Variants in SLC4A7 observed in about 807,000 individuals in gnomAD.
SLC4A7 encodes sodium bicarbonate cotransporter 3.
SLC4A7 carries 51 observed loss-of-function variants against 137.6 expected under a neutral mutation model. The ratio of observed to expected loss-of-function variants is 0.37; its 90% confidence interval spans 0.30 to 0.47. SLC4A7 has a LOEUF of 0.47. Among genes scored for constraint, SLC4A7 ranks in the 20% least tolerant of loss-of-function variants. SLC4A7 has a pLI of 1.00. For synonymous variants in SLC4A7, 542 were observed against 518.6 expected (o/e 1.05, Z -0.61); for missense variants, 1,247 against 1,525.4 (o/e 0.82, Z 3.04).
intron 24 of SLC4A7, among the ~76,000 whole-genome samples, chr3:27,382,867 A>C (rs568986200): frequency 2.5e-4 from 38 of 152,358 alleles, no homozygotes; most frequent in Non-Finnish European, 5.0e-4. Flanking sequence ...TACTGATTTT[A>C]AACTTCACTA....
intron 13 of SLC4A7, 68 bp from the exon 14 acceptor site, chr3:27,405,031 C>A: frequency 9.6e-7 from 1 of 1,039,504 alleles, no homozygotes; most frequent in South Asian, 2.7e-5. Flanking sequence ...TACTATAATA[C>A]ATGTAAGACA....
Position 27,373,530 on chromosome 3 carries a change from TCAATG to T in SLC4A7, c.*3229_*3233del, listed in dbSNP as rs1204618938. 2 of 152,178 alleles carry T rather than the reference TCAATG, an allele frequency of 1.3e-5. No individual in the cohort carries two copies. Among genetic ancestry groups the T allele is most frequent in the Non-Finnish European group, 2.9e-5 (2 of 67,982 alleles). 9.4% of individuals were successfully genotyped at this position (152,178 alleles called of 1,614,324 possible). On this transcript the variant is annotated 3_prime_UTR_variant, in exon 26 of 26. Transcript: ENST00000454389. ...AAACATTTTTAATTACAGCGTTATATCAATGGCTTACACAGTTGAAATCTGAGCAC... is the reference window on the plus strand; with the variant it reads ...AAACATTTTTAATTACAGCGTTATATGCTTACACAGTTGAAATCTGAGCAC...
At chr3:27,438,598 CATAACAT>C (rs1173854238) in intron 3 of SLC4A7, among the ~76,000 whole-genome samples, 2 of 108,470 alleles carry the variant, frequency 1.8e-5, no homozygotes, top group South Asian at 3.9e-4. Flanking sequence ...AATAAAATAA[CATAACAT>C]AAAATAAAAT....
intron 1 of SLC4A7, among the ~76,000 whole-genome samples, chr3:27,453,138 A>G (rs1294718626): frequency 6.6e-6 from 1 of 152,232 alleles, no homozygotes; most frequent in Non-Finnish European, 1.5e-5. Context: ...AAGACTAAAC[A>G]TATTTATTAG....
chr3:27,405,000 A>G (rs748798606), intron 13 of SLC4A7, 37 bp from the exon 14 acceptor site: 17 of 1,463,638 alleles, frequency 1.2e-5, no homozygotes, highest in Non-Finnish European at 1.5e-5. Context: ...AAAGCAATAC[A>G]TCATAAACAT....
intron 10 of SLC4A7, among the ~76,000 whole-genome samples, chr3:27,418,843 G>T (rs1216179774): frequency 6.6e-6 from 1 of 152,082 alleles, no homozygotes; most frequent in Non-Finnish European, 1.5e-5. Flanking sequence ...AACAATGAAA[G>T]AGAACAGTTA....
At chr3:27,440,851 C>T (rs976189085) in intron 3 of SLC4A7, among the ~76,000 whole-genome samples, 3 of 152,112 alleles carry the variant, frequency 2.0e-5, no homozygotes, top group African/African-American at 7.2e-5. Flanking sequence ...TTGAGATCAG[C>T]CTGGCCAACA....
intron 8 of SLC4A7, 125 bp from the exon 9 acceptor site, chr3:27,421,904 G>A: frequency 1.5e-6 from 1 of 674,878 alleles, no homozygotes; most frequent in Non-Finnish European, 2.4e-6. Flanking sequence ...TCTAATGAAT[G>A]TTTAAAATGT....
At chr3:27,479,402 G>C (rs2059616121) in intron 1 of SLC4A7, among the ~76,000 whole-genome samples, 1 of 148,876 alleles carries the variant, frequency 6.7e-6, no homozygotes, top group South Asian at 2.1e-4. Flanking sequence ...CAACCCTGAG[G>C]ATGAGACCCT....
chr3:27,430,269 A>G (rs1277432613), intron 7 of SLC4A7, among the ~76,000 whole-genome samples: 1 of 151,754 alleles, frequency 6.6e-6, no homozygotes, highest in Non-Finnish European at 1.5e-5. Context: ...ATTTATTTGT[A>G]TGTGTTCATT....
chr3:27,464,099 C>A (rs2058844721), intron 1 of SLC4A7, among the ~76,000 whole-genome samples: 1 of 151,710 alleles, frequency 6.6e-6, no homozygotes, highest in Admixed American at 6.6e-5. Context: ...TCGCTTGAAC[C>A]CAGGAGGCGG....
intron 3 of SLC4A7, among the ~76,000 whole-genome samples, chr3:27,440,827 C>T (rs2057132642): frequency 6.6e-6 from 1 of 152,040 alleles, no homozygotes; most frequent in South Asian, 2.1e-4. Flanking sequence ...GGTGGATTAC[C>T]TGAGATCAGG....
At chr3:27,433,618 T>C (rs1171035017) in intron 6 of SLC4A7, among the ~76,000 whole-genome samples, 2 of 152,214 alleles carry the variant, frequency 1.3e-5, no homozygotes, top group East Asian at 3.9e-4. Context: ...AAAACACTTG[T>C]TTATACCAGC....
rs1226856471 is a variant in SLC4A7, at chr3:27,436,437, A to T, written c.540T>A (p.Asn180Lys). 6.2e-7 allele frequency: 1 copy of T among 1,613,728 alleles called. No individual in the cohort carries two copies. Among genetic ancestry groups the T allele is most frequent in the Non-Finnish European group, 8.5e-7 (1 of 1,179,814 alleles). The change falls in exon 5 of 26, where the codon AAT becomes AAA. Residue 180 changes from asparagine to lysine, a missense_variant. Around this residue, in one of 6 missense-constraint regions of SLC4A7, gnomAD observed 11 missense variants for 50.2 expected, o/e 0.22. Coordinates refer to ENST00000454389, the MANE Select transcript of SLC4A7 (RefSeq NM_001321103.2). ...CTCTCATATCCAGCATGACTGTTCC[A>T]TTGAGGATGCAACTCCTTAGTTCAA... is the stretch of plus-strand genomic sequence containing the variant. ...SLFELRSCILNGTVMLDMRAS... is the reference protein window; with the variant it reads ...SLFELRSCILKGTVMLDMRAS...
chr3:27,390,846 C>T (rs1359253583), intron 21 of SLC4A7, among the ~76,000 whole-genome samples: 1 of 151,992 alleles, frequency 6.6e-6, no homozygotes, highest in Non-Finnish European at 1.5e-5. Context: ...TTTTTTGAGA[C>T]AGGGTCTCAC....
At position 27,399,630 on chromosome 3, in the gene SLC4A7, C is replaced by G. The variant is rs1024155710; in HGVS notation, c.2427+1134G>C. Among the ~76,000 whole-genome samples the G allele has an allele frequency of 2.7e-5, 4 of 148,482 alleles. No individual in the cohort carries two copies. The East Asian group carries it at 7.8e-4, about 29-fold the overall frequency. ...TAATTTTTGTAGAGATGGTGCCTTG[C>G]TATGTTGCCCAGGCTGGTCTCTAAC... On this transcript the variant is annotated intron_variant, in intron 16 of 25. Coordinates refer to ENST00000454389, the MANE Select transcript of SLC4A7 (RefSeq NM_001321103.2).
At chr3:27,418,770 C>G (rs2054638664) in intron 10 of SLC4A7, 138 bp from the exon 11 acceptor site, 2 of 581,722 alleles carry the variant, frequency 3.4e-6, no homozygotes, top group Non-Finnish European at 3.0e-6. Context: ...GTATTCAGCC[C>G]AGCCTGGGTA....
chr3:27,411,670 C>A lies in SLC4A7; in HGVS notation c.1738G>T (p.Ala580Ser). 6.4e-7 allele frequency: 1 copy of A among 1,563,358 alleles called. No individual in the cohort carries two copies. Among genetic ancestry groups the A allele is most frequent in the Non-Finnish European group, 8.7e-7 (1 of 1,151,290 alleles). The change falls in exon 12 of 26, where the codon GCT becomes TCT. Residue 580 changes from alanine (A) to serine (S), a missense_variant. Ala to Ser is a moderately conservative substitution (Grantham distance 99). Coordinates refer to ENST00000454389, the MANE Select transcript of SLC4A7 (RefSeq NM_001321103.2). The part of the protein sequence containing the change: ...GETPKEAAHH[A>S]GPELQRTGRL... Reference sequence around the variant, plus strand: ...CCAGTCCTCTGTAGCTCAGGCCCAGCATGATGAGCGGCCTCTTTAGGAGTC... The same window carrying A: ...CCAGTCCTCTGTAGCTCAGGCCCAGAATGATGAGCGGCCTCTTTAGGAGTC...
At chr3:27,435,131 T>C (rs566202522) in intron 5 of SLC4A7, among the ~76,000 whole-genome samples, 20 of 152,348 alleles carry the variant, frequency 1.3e-4, no homozygotes, top group African/African-American at 4.8e-4. Context: ...GCCTGAGAAA[T>C]TGTATTAAGT....
Sources: gnomAD v4.1 joint callset for allele counts (sites outside exome capture counted in the v4.1 genomes callset) on GRCh38, gnomAD v4.1.1 for gene constraint, gnomAD v4.1.1 regional missense constraint, MANE v1.5 for transcripts, NCBI Gene and HGNC (gene_info 2026-07-23, HGNC 2026-07-21) for gene names.